Variants in PTPRD observed in about 807,000 individuals in gnomAD.
The protein encoded by PTPRD is protein tyrosine phosphatase receptor type D.
In PTPRD, 34 loss-of-function variants were observed where a neutral mutation model predicts 214.5. The ratio of observed to expected loss-of-function variants is 0.16; its 90% confidence interval spans 0.12 to 0.21. The LOEUF is 0.21. PTPRD is among the 10% of genes least tolerant of loss of function. PTPRD has a pLI of 1.00. For missense variants in PTPRD, 2,545 were observed against 2,398.7 expected, an observed-to-expected ratio of 1.06 and a Z score of -1.27; for synonymous variants, 1,128 against 845.7, an observed-to-expected ratio of 1.33 and a Z score of -5.79.
intron 14 of PTPRD, among the ~76,000 whole-genome samples, chr9:8,568,439 C>T (rs527683265): frequency 5.3e-5 from 8 of 152,224 alleles, no homozygotes; most frequent in South Asian, 2.1e-4. Flanking sequence ...CCTATTACTC[C>T]TAAATCACCT....
At chr9:8,955,750 A>G (rs963257764) in intron 11 of PTPRD, among the ~76,000 whole-genome samples, 7 of 151,710 alleles carry the variant, frequency 4.6e-5, no homozygotes, top group African/African-American at 1.7e-4. Flanking sequence ...TATGCCTTTT[A>G]ATTAAAAAAA....
chr9:10,039,594 T>C (rs1477957794), intron 3 of PTPRD, among the ~76,000 whole-genome samples: 1 of 151,988 alleles, frequency 6.6e-6, no homozygotes, highest in African/African-American at 2.4e-5. Flanking sequence ...GCTTATGAAC[T>C]AAAACTCCTG....
intron 8 of PTPRD, among the ~76,000 whole-genome samples, chr9:9,491,831 C>A (rs946368111): frequency 6.6e-6 from 1 of 151,798 alleles, no homozygotes; most frequent in Non-Finnish European, 1.5e-5. Context: ...TCTATCTTTA[C>A]AACTAATTAG....
At chr9:8,508,519 G>C (rs1012185856) in intron 21 of PTPRD, among the ~76,000 whole-genome samples, 2 of 152,004 alleles carry the variant, frequency 1.3e-5, no homozygotes, top group African/African-American at 2.4e-5. Flanking sequence ...TCAATGTGCT[G>C]TGGCTGAACA....
intron 10 of PTPRD, among the ~76,000 whole-genome samples, chr9:9,146,096 T>G (rs2099868166): frequency 6.6e-6 from 1 of 152,224 alleles, no homozygotes; most frequent in Non-Finnish European, 1.5e-5. Flanking sequence ...CAAATGTGAC[T>G]TCAAATGGGG....
chr9:9,701,250 G>T (rs1389126836), intron 7 of PTPRD, among the ~76,000 whole-genome samples: 1 of 152,072 alleles, frequency 6.6e-6, no homozygotes, highest in Admixed American at 6.6e-5. Context: ...AACTAAGAAT[G>T]TTTTAAACAT....
chr9:9,262,822 C>A (rs1253931197), intron 9 of PTPRD, among the ~76,000 whole-genome samples: 2 of 151,554 alleles, frequency 1.3e-5, no homozygotes, highest in Admixed American at 6.6e-5. Flanking sequence ...GATAGATACC[C>A]TTTGGTTTCC....
At chr9:8,937,829 T>A (rs1229302146) in intron 11 of PTPRD, among the ~76,000 whole-genome samples, 1 of 152,214 alleles carries the variant, frequency 6.6e-6, no homozygotes, top group Non-Finnish European at 1.5e-5. Context: ...GTCAAGAATC[T>A]TGTGGCTACA....
chr9:9,440,364 A>G lies in PTPRD; in HGVS notation c.-236-42882T>C, dbSNP rs139200484. The stretch of plus-strand genomic sequence containing the variant: ...GTACTTGTTTTCTTCTTCATAATTC[A>G]GGCTTATTTTCATCTATCAAATTGT... On this transcript the variant is annotated intron_variant, in intron 8 of 45. Coordinates refer to ENST00000381196, the MANE Select transcript of PTPRD (RefSeq NM_002839.4). 1.5e-4 allele frequency among the ~76,000 whole-genome samples: 23 copies of G among 152,246 alleles called. No individual in the cohort carries two copies. The East Asian group carries it at 4.4e-3, about 29-fold the overall frequency.
At chr9:9,894,985 C>G (rs932542768) in intron 5 of PTPRD, among the ~76,000 whole-genome samples, 16 of 152,044 alleles carry the variant, frequency 1.1e-4, no homozygotes, top group African/African-American at 3.6e-4. Context: ...TAGAAAAAAT[C>G]TTTCTAGAAA....
chr9:8,599,780 G>C (rs2094719712), intron 14 of PTPRD, among the ~76,000 whole-genome samples: 1 of 151,868 alleles, frequency 6.6e-6, no homozygotes, highest in Admixed American at 6.6e-5. Flanking sequence ...ACCACGCCTG[G>C]ATAATTTTGT....
At chr9:8,808,447 T>C (rs1399995310) in intron 11 of PTPRD, among the ~76,000 whole-genome samples, 3 of 150,282 alleles carry the variant, frequency 2.0e-5, no homozygotes, top group Non-Finnish European at 4.4e-5. Context: ...CAGTAGAATT[T>C]TAAAAGCCCC....
chr9:9,520,926 C>CAA (rs2096955821), intron 8 of PTPRD, among the ~76,000 whole-genome samples: 2 of 152,094 alleles, frequency 1.3e-5, no homozygotes, highest in Non-Finnish European at 2.9e-5. Flanking sequence ...AGTTCCAGAC[C>CAA]AACTGCACCA....
intron 10 of PTPRD, among the ~76,000 whole-genome samples, chr9:9,099,523 T>C (rs1457515849): frequency 6.6e-6 from 1 of 152,144 alleles, no homozygotes; most frequent in Admixed American, 6.6e-5. Flanking sequence ...GTAAGTAACA[T>C]CATCTTCTTC....
chr9:9,706,605 AT>A (rs1206971185), intron 7 of PTPRD, among the ~76,000 whole-genome samples: 1 of 151,834 alleles, frequency 6.6e-6, no homozygotes, highest in Non-Finnish European at 1.5e-5. Flanking sequence ...ACACCCAGCT[AT>A]TTTTTGTATT....
intron 2 of PTPRD, among the ~76,000 whole-genome samples, chr9:10,520,680 T>C (rs2051897343): frequency 6.6e-6 from 1 of 152,152 alleles, no homozygotes; most frequent in African/African-American, 2.4e-5. Flanking sequence ...ACTCTCTTGC[T>C]AGGAGCTAAT....
intron 2 of PTPRD, among the ~76,000 whole-genome samples, chr9:10,382,968 G>A (rs1455361798): frequency 1.3e-5 from 2 of 151,792 alleles, no homozygotes; most frequent in African/African-American, 4.8e-5. Flanking sequence ...GCTTCTGAAT[G>A]AGTTGGAAAG....
intron 11 of PTPRD, among the ~76,000 whole-genome samples, chr9:8,898,056 C>T (rs1248963704): frequency 1.3e-5 from 2 of 152,084 alleles, no homozygotes; most frequent in Admixed American, 6.5e-5. Flanking sequence ...TCCACTCTTC[C>T]CTATTAATTC....
intron 3 of PTPRD, among the ~76,000 whole-genome samples, chr9:10,222,947 G>C (rs1310599351): frequency 6.6e-6 from 1 of 151,988 alleles, no homozygotes. Flanking sequence ...AGTGGTAGTG[G>C]GGTCAGAAGA....
Sources: gnomAD v4.1 joint callset for allele counts (sites outside exome capture counted in the v4.1 genomes callset) on GRCh38, gnomAD v4.1.1 for gene constraint, MANE v1.5 for transcripts, NCBI Gene and HGNC (gene_info 2026-07-23, HGNC 2026-07-21) for gene names.